Variants in TRAF3 observed in about 807,000 individuals in gnomAD.
The protein encoded by TRAF3 is TNF receptor-associated factor 3.
Under a neutral mutation model 62.3 loss-of-function variants are expected in TRAF3, and 13 were observed. The ratio of observed to expected loss-of-function variants is 0.21; its 90% CI spans 0.14 to 0.33. TRAF3 has a LOEUF of 0.33. TRAF3 is among the 10% of genes least tolerant of loss of function. The probability of loss-of-function intolerance (pLI) is 1.00; values close to 1 mark genes in which losing one functional copy is unlikely to be tolerated. For synonymous variants in TRAF3, 269 were observed against 283.4 expected (o/e 0.95, Z 0.51); for missense variants, 440 against 741.8 (o/e 0.59, Z 4.73).
At chr14:102,874,641 T>C (rs1485888069) in intron 4 of TRAF3, among the ~76,000 whole-genome samples, 1 of 142,776 alleles carries the variant, frequency 7.0e-6, no homozygotes, top group Non-Finnish European at 1.5e-5. Flanking sequence ...TGAAAGGTTT[T>C]TTCTTCTTCT....
chr14:102,882,121 A>G (rs997483558), intron 6 of TRAF3, among the ~76,000 whole-genome samples: 1 of 152,246 alleles, frequency 6.6e-6, no homozygotes, highest in Non-Finnish European at 1.5e-5. Flanking sequence ...AGGACCAGTT[A>G]CAATAGCTTA....
chr14:102,795,598 ATG>A (rs58263343), intron 1 of TRAF3, among the ~76,000 whole-genome samples: 4 of 149,314 alleles, frequency 2.7e-5, no homozygotes, highest in African/African-American at 7.4e-5. Context: ...ATATGTATAT[ATG>A]TGTGTGTGTG....
At chr14:102,813,399 T>C (rs1899316701) in intron 1 of TRAF3, among the ~76,000 whole-genome samples, 1 of 152,176 alleles carries the variant, frequency 6.6e-6, no homozygotes, top group Non-Finnish European at 1.5e-5. Context: ...TGTATGTCTT[T>C]TGAGAAATGT....
chr14:102,828,433 C>T (rs765016084), intron 1 of TRAF3, among the ~76,000 whole-genome samples: 5 of 152,148 alleles, frequency 3.3e-5, no homozygotes, highest in Admixed American at 6.6e-5. Flanking sequence ...TTAGAACGTA[C>T]GCGATTCTGT....
chr14:102,905,119 T>C (rs80062769), intron 11 of TRAF3, 94 bp from the exon 12 acceptor site: 4 of 1,311,382 alleles, frequency 3.1e-6, no homozygotes, highest in Non-Finnish European at 3.2e-6. Flanking sequence ...CTCAAAAAAA[T>C]GAAATAAAAT....
chr14:102,807,897 A>G (rs1898869916), intron 1 of TRAF3, among the ~76,000 whole-genome samples: 1 of 152,164 alleles, frequency 6.6e-6, no homozygotes, highest in African/African-American at 2.4e-5. Context: ...AAGGAAATGG[A>G]AAACTAGCAC....
chr14:102,780,373 T>C (rs992000000), intron 1 of TRAF3, among the ~76,000 whole-genome samples: 4 of 152,218 alleles, frequency 2.6e-5, no homozygotes, highest in African/African-American at 9.6e-5. Flanking sequence ...GTAAAATTTA[T>C]TATTCATAAT....
At chr14:102,846,144 C>T (rs532152138) in intron 2 of TRAF3, among the ~76,000 whole-genome samples, 18 of 152,166 alleles carry the variant, frequency 1.2e-4, no homozygotes, top group African/African-American at 3.9e-4. Flanking sequence ...AATAGTTTGG[C>T]TTTAGAGTAT....
chr14:102,881,500 A>C (rs535042428), intron 6 of TRAF3, among the ~76,000 whole-genome samples: 3 of 152,186 alleles, frequency 2.0e-5, no homozygotes, highest in South Asian at 2.1e-4. Context: ...GAACAGAAAA[A>C]CACCACATGT....
intron 2 of TRAF3, among the ~76,000 whole-genome samples, chr14:102,864,390 T>C (rs990070808): frequency 7.2e-5 from 11 of 152,186 alleles, no homozygotes; most frequent in East Asian, 3.9e-4. Context: ...CCTCGTGATC[T>C]GCCCACCTCG....
intron 1 of TRAF3, among the ~76,000 whole-genome samples, chr14:102,812,121 C>A (rs1899218419): frequency 6.6e-6 from 1 of 151,866 alleles, no homozygotes; most frequent in East Asian, 1.9e-4. Flanking sequence ...ACACTAGACT[C>A]TGTTCCTGTC....
chr14:102,895,895 C>T (rs1889982503), intron 9 of TRAF3, among the ~76,000 whole-genome samples: 2 of 152,178 alleles, frequency 1.3e-5, no homozygotes. Flanking sequence ...CCTCAGGCAT[C>T]AGCTCTGCCT....
chr14:102,785,520 A>T (rs964056192), intron 1 of TRAF3, among the ~76,000 whole-genome samples: 2 of 152,210 alleles, frequency 1.3e-5, no homozygotes, highest in Non-Finnish European at 2.9e-5. Context: ...CTTGTTAGTG[A>T]TGAACAAGTC....
chr14:102,845,641 G>A (rs1265256317), intron 2 of TRAF3, among the ~76,000 whole-genome samples: 1 of 150,450 alleles, frequency 6.6e-6, no homozygotes, highest in Non-Finnish European at 1.5e-5. Context: ...TCAGCCTCCC[G>A]AGTAGCTGGG....
At chr14:102,815,587 AT>A (rs1269703171) in intron 1 of TRAF3, among the ~76,000 whole-genome samples, 1 of 152,166 alleles carries the variant, frequency 6.6e-6, no homozygotes, top group East Asian at 1.9e-4. Context: ...GTCCAGTTTC[AT>A]TCTTTTACAT....
At chr14:102,848,483 A>G (rs952969727) in intron 2 of TRAF3, among the ~76,000 whole-genome samples, 2 of 152,204 alleles carry the variant, frequency 1.3e-5, no homozygotes, top group Admixed American at 1.3e-4. Context: ...AAGTATAAGA[A>G]GTTTGAAATG....
intron 1 of TRAF3, among the ~76,000 whole-genome samples, chr14:102,805,865 T>G (rs1470500299): frequency 6.6e-6 from 1 of 152,216 alleles, no homozygotes; most frequent in Admixed American, 6.5e-5. Context: ...TGTTTTACTT[T>G]TAGTTTCACT....
At chr14:102,801,508 T>C (rs1453579080) in intron 1 of TRAF3, among the ~76,000 whole-genome samples, 1 of 152,052 alleles carries the variant, frequency 6.6e-6, no homozygotes, top group Non-Finnish European at 1.5e-5. Context: ...CTCTTGGCAG[T>C]TAGCAGGCAC....
chr14:102,894,343 C>A (rs1889890132), intron 9 of TRAF3, among the ~76,000 whole-genome samples: 1 of 152,082 alleles, frequency 6.6e-6, no homozygotes, highest in East Asian at 1.9e-4. Flanking sequence ...AAAGACTGAT[C>A]CTCACATTCA....
Sources: allele counts gnomAD v4.1 joint callset (sites outside exome capture counted in the v4.1 genomes callset), GRCh38; gene constraint gnomAD v4.1.1; transcripts MANE v1.5; gene names NCBI Gene and HGNC (gene_info 2026-07-23, HGNC 2026-07-21).